The following B3GALT1 variants were observed in gnomAD, a reference collection of about 807,000 sequenced individuals.
The protein encoded by B3GALT1 is UDP-Gal:betaGlcNAc beta 1,3-galactosyltransferase, polypeptide 1.
In B3GALT1, 10 loss-of-function variants were observed where a neutral mutation model predicts 23.2. The observed-to-expected ratio is 0.43, with a 90% CI of 0.27 to 0.73. The LOEUF (loss-of-function observed/expected upper bound fraction) is 0.73, where lower values mean the gene tolerates loss of function less well. Among genes scored for constraint, B3GALT1 ranks in the 30% least tolerant of loss-of-function variants. The pLI is 0.21. For synonymous variants in B3GALT1, 156 were observed against 141.5 expected, an observed-to-expected ratio of 1.10 and a Z score of -0.73; for missense variants, 299 against 405.4, an observed-to-expected ratio of 0.74 and a Z score of 2.25.
At chr2:167,479,324 T>C (rs1350148589) in intron 1 of B3GALT1, among the ~76,000 whole-genome samples, 1 of 152,154 alleles carries the variant, frequency 6.6e-6, no homozygotes, top group African/African-American at 2.4e-5. Flanking sequence ...AATTAATGTA[T>C]TCAGTTACTA....
At chr2:167,787,043 G>A (rs1688353824) in intron 3 of B3GALT1, among the ~76,000 whole-genome samples, 1 of 152,156 alleles carries the variant, frequency 6.6e-6, no homozygotes, top group East Asian at 1.9e-4. Flanking sequence ...GAAATCCCTG[G>A]GATCTGATTA....
intron 2 of B3GALT1, among the ~76,000 whole-genome samples, chr2:167,583,664 A>G (rs1054157693): frequency 2.7e-5 from 4 of 147,716 alleles, no homozygotes; most frequent in Non-Finnish European, 6.0e-5. Flanking sequence ...TAAAAATTGC[A>G]TTTGATATTG....
chr2:167,698,083 C>T (rs974231317), intron 3 of B3GALT1, among the ~76,000 whole-genome samples: 1 of 152,146 alleles, frequency 6.6e-6, no homozygotes. Context: ...TTTATGCCAG[C>T]GCTATGGTTT....
At chr2:167,599,955 T>C (rs944212065) in intron 2 of B3GALT1, among the ~76,000 whole-genome samples, 4 of 152,146 alleles carry the variant, frequency 2.6e-5, no homozygotes. Context: ...AAATGAAACA[T>C]TTATCATATT....
At chr2:167,608,627 G>A (rs914849001) in intron 2 of B3GALT1, among the ~76,000 whole-genome samples, 1 of 152,068 alleles carries the variant, frequency 6.6e-6, no homozygotes, top group Non-Finnish European at 1.5e-5. Context: ...TATTTGTTTA[G>A]CATAGGAAGT....
chr2:167,838,179 A>AC (rs1689533085), intron 4 of B3GALT1, among the ~76,000 whole-genome samples: 1 of 151,942 alleles, frequency 6.6e-6, no homozygotes. Context: ...CTAAAATCAG[A>AC]GCAGAACTGA....
chr2:167,699,326 TTG>T (rs1686837893), intron 3 of B3GALT1, among the ~76,000 whole-genome samples: 1 of 151,612 alleles, frequency 6.6e-6, no homozygotes, highest in Admixed American at 6.6e-5. Flanking sequence ...CTTAAAGAAG[TTG>T]TTGCAGGAAG....
At chr2:167,783,655 G>A (rs1273067822) in intron 3 of B3GALT1, among the ~76,000 whole-genome samples, 1 of 152,202 alleles carries the variant, frequency 6.6e-6, no homozygotes, top group Non-Finnish European at 1.5e-5. Flanking sequence ...GCTGGAAGAG[G>A]AGGAGGAAAC....
chr2:167,348,364 T>C (rs190675616), intron 1 of B3GALT1, among the ~76,000 whole-genome samples: 7 of 152,294 alleles, frequency 4.6e-5, no homozygotes, highest in Admixed American at 2.0e-4. Context: ...TAACAGTAAA[T>C]TTATTTTTTA....
intron 4 of B3GALT1, among the ~76,000 whole-genome samples, chr2:167,841,056 G>C (rs1437289954): frequency 6.7e-6 from 1 of 150,018 alleles, no homozygotes; most frequent in South Asian, 2.1e-4. Flanking sequence ...GGATAGCATT[G>C]GGAGATATAC....
At chr2:167,697,999 TG>T (rs1457466750) in intron 3 of B3GALT1, among the ~76,000 whole-genome samples, 1 of 152,232 alleles carries the variant, frequency 6.6e-6, no homozygotes, top group African/African-American at 2.4e-5. Flanking sequence ...TATGTAGCAT[TG>T]GAAATGTATT....
intron 3 of B3GALT1, among the ~76,000 whole-genome samples, chr2:167,680,335 AC>A (rs1397267085): frequency 2.0e-5 from 3 of 152,212 alleles, no homozygotes; most frequent in Non-Finnish European, 4.4e-5. Context: ...AAAGTCATTA[AC>A]AAAAAGTCAA....
intron 1 of B3GALT1, among the ~76,000 whole-genome samples, chr2:167,306,070 A>G (rs1696547585): frequency 1.3e-5 from 2 of 152,076 alleles, no homozygotes; most frequent in African/African-American, 4.8e-5. Flanking sequence ...TGTCTAATGC[A>G]TTAATACTAC....
chr2:167,783,758 C>T (rs1039500122), intron 3 of B3GALT1, among the ~76,000 whole-genome samples: 4 of 152,124 alleles, frequency 2.6e-5, no homozygotes, highest in African/African-American at 9.7e-5. Flanking sequence ...TAGCTAATCT[C>T]GGTTTCAAAT....
chr2:167,761,936 A>G (rs1687904632), intron 3 of B3GALT1, among the ~76,000 whole-genome samples: 1 of 152,172 alleles, frequency 6.6e-6, no homozygotes. Flanking sequence ...TTGACTTCCC[A>G]CCACAATGCC....
intron 3 of B3GALT1, among the ~76,000 whole-genome samples, chr2:167,802,452 T>C (rs1688656848): frequency 6.6e-6 from 1 of 152,228 alleles, no homozygotes; most frequent in South Asian, 2.1e-4. Flanking sequence ...GCATGATTGT[T>C]GTAAACACCT....
At chr2:167,565,237 A>G (rs1195984497) in intron 2 of B3GALT1, among the ~76,000 whole-genome samples, 2 of 152,180 alleles carry the variant, frequency 1.3e-5, no homozygotes, top group African/African-American at 2.4e-5. Context: ...GACAAACCTG[A>G]GAAAAAGAAG....
intron 3 of B3GALT1, among the ~76,000 whole-genome samples, chr2:167,717,905 C>T (rs771382361): frequency 7.9e-5 from 12 of 152,294 alleles, no homozygotes; most frequent in Admixed American, 1.3e-4. Flanking sequence ...TTAAAAAATG[C>T]AATTTTCTTC....
At chr2:167,301,818 G>A (rs1488575886) in intron 1 of B3GALT1, among the ~76,000 whole-genome samples, 3 of 152,138 alleles carry the variant, frequency 2.0e-5, no homozygotes, top group Non-Finnish European at 2.9e-5. Context: ...CAAAGTGTTG[G>A]GATTACAGGT....
Sources: allele counts gnomAD v4.1 joint callset (sites outside exome capture counted in the v4.1 genomes callset), GRCh38; gene constraint gnomAD v4.1.1; transcripts MANE v1.5; gene names NCBI Gene and HGNC (gene_info 2026-07-23, HGNC 2026-07-21).